FHIT: variants seen among roughly 807,000 people sequenced by gnomAD.
The protein encoded by FHIT is bis(5'-adenosyl)-triphosphatase.
FHIT carries 19 observed loss-of-function variants against 17.9 expected under a neutral mutation model. The ratio of observed to expected loss-of-function variants is 1.06; its 90% CI spans 0.74 to 1.56. The LOEUF (loss-of-function observed/expected upper bound fraction) is 1.56, where lower values mean the gene tolerates loss of function less well. Ranked by LOEUF, FHIT falls within the 40% of genes most tolerant of loss-of-function variation. The pLI, the probability that FHIT is intolerant of heterozygous loss-of-function variation, is 0.00. For synonymous variants in FHIT, 81 were observed against 69.7 expected, an observed-to-expected ratio of 1.16 and a Z score of -0.81; for missense variants, 248 against 189.2, an observed-to-expected ratio of 1.31 and a Z score of -1.82.
chr3:59,761,250 G>C (rs936082084), intron 8 of FHIT, among the ~76,000 whole-genome samples: 4 of 152,132 alleles, frequency 2.6e-5, no homozygotes, highest in Admixed American at 2.6e-4. Flanking sequence ...GTAATAGTAA[G>C]CCCTAAACAA....
At chr3:60,645,681 C>A (rs201327825) in intron 4 of FHIT, among the ~76,000 whole-genome samples, 1 of 152,108 alleles carries the variant, frequency 6.6e-6, no homozygotes, top group Non-Finnish European at 1.5e-5. Context: ...GAAACTGAGA[C>A]AATAGACAAT....
chr3:60,188,207 CTTTTTTTTTTTT>C (rs1210975877), intron 5 of FHIT, among the ~76,000 whole-genome samples: 1 of 125,574 alleles, frequency 8.0e-6, no homozygotes, highest in Non-Finnish European at 1.6e-5. Flanking sequence ...CAGTTTCTTT[CTTTTTTTTTTTT>C]TTTTTTTTAC....
rs554662372 is a variant in FHIT at position 60,845,295 on chromosome 3, T to A, written c.-110-23284A>T. ...AATTATGTGAACAATAAGAAAAAAA[T>A]AATTAGAAAGGTAGGAGTAAACTAA... On this transcript the variant is annotated intron_variant, in intron 3 of 9. Transcript: ENST00000492590. Among the ~76,000 whole-genome samples, 30 of 151,330 alleles carry A rather than the reference T, an allele frequency of 2.0e-4. No individual in the cohort carries two copies. The South Asian group carries it at 6.2e-3, about 31-fold the overall frequency.
Position 59,799,825 on chromosome 3 carries a change from G to A in FHIT, c.349-47504C>T, listed in dbSNP as rs148009966. Among the ~76,000 whole-genome samples the A allele has an allele frequency of 2.7e-3, 410 of 152,234 alleles. 1 individual carries two copies. The highest frequency in any genetic ancestry group is 4.8e-3 in the Non-Finnish European group (324 of 68,010). On this transcript the variant is annotated intron_variant, in intron 8 of 9. Transcript: ENST00000492590. ...GATCTATAATACATAACGGTGTCTTGCAAGAAAAAAGTCCCTTGTGGGGGC... is the reference window on the plus strand; with the variant it reads ...GATCTATAATACATAACGGTGTCTTACAAGAAAAAAGTCCCTTGTGGGGGC...
chr3:60,282,299 C>A (rs213368), intron 5 of FHIT, among the ~76,000 whole-genome samples: 1 of 151,944 alleles, frequency 6.6e-6, no homozygotes, highest in African/African-American at 2.4e-5. Context: ...CGACAGAATA[C>A]TAGTCTACAA....
chr3:61,135,853 C>A (rs560667448), intron 2 of FHIT, among the ~76,000 whole-genome samples: 2 of 151,846 alleles, frequency 1.3e-5, no homozygotes, highest in African/African-American at 4.8e-5. Context: ...GAGCAAAAAC[C>A]AGCTACAAAA....
intron 7 of FHIT, among the ~76,000 whole-genome samples, chr3:59,979,466 A>C (rs938135499): frequency 6.6e-6 from 1 of 152,036 alleles, no homozygotes; most frequent in Non-Finnish European, 1.5e-5. Context: ...TACTTGACAG[A>C]CTTGGGAGAG....
intron 1 of FHIT, among the ~76,000 whole-genome samples, chr3:61,214,150 T>C (rs541989711): frequency 2.0e-5 from 3 of 151,874 alleles, no homozygotes; most frequent in Non-Finnish European, 4.4e-5. Flanking sequence ...AAGAAATAAC[T>C]AAAATCAGAG....
intron 5 of FHIT, among the ~76,000 whole-genome samples, chr3:60,137,582 G>T (rs1699867310): frequency 2.0e-5 from 3 of 152,190 alleles, no homozygotes; most frequent in Admixed American, 1.3e-4. Context: ...AGGTGGAACT[G>T]ATCAGGGCAC....
chr3:60,118,208 G>T (rs1265449107), intron 5 of FHIT, among the ~76,000 whole-genome samples: 2 of 152,006 alleles, frequency 1.3e-5, no homozygotes, highest in East Asian at 3.9e-4. Context: ...CTGGGTTCAA[G>T]CGATCCTCCT....
intron 5 of FHIT, among the ~76,000 whole-genome samples, chr3:60,522,096 G>A: frequency 7.0e-6 from 1 of 142,546 alleles, no homozygotes; most frequent in Admixed American, 7.7e-5. Flanking sequence ...AACAGCAACA[G>A]CAACCAGAAG....
intron 2 of FHIT, among the ~76,000 whole-genome samples, chr3:61,074,909 C>A (rs1181440483): frequency 6.6e-6 from 1 of 152,102 alleles, no homozygotes; most frequent in African/African-American, 2.4e-5. Flanking sequence ...GTGTGTGAAC[C>A]TTTGTGAAAA....
At position 59,817,780 on chromosome 3, in the gene FHIT, T is replaced by C. The variant is rs114019898; in HGVS notation, c.349-65459A>G. On this transcript the variant is annotated intron_variant, in intron 8 of 9. Transcript: ENST00000492590. ...TTATCTCTCCAATCCAGATTCCTTC[T>C]TTAAAAAAAGGGAAGAAAAAACATT... 6.8e-3 allele frequency among the ~76,000 whole-genome samples: 1,041 copies of C among 152,142 alleles called. 9 individuals carry two copies. The highest frequency in any genetic ancestry group is 0.011 in the Non-Finnish European group (764 of 67,998).
chr3:60,995,020 G>A (rs2030550248), intron 3 of FHIT, among the ~76,000 whole-genome samples: 2 of 152,092 alleles, frequency 1.3e-5, no homozygotes, highest in Non-Finnish European at 2.9e-5. Context: ...GAGAACCCAC[G>A]GGAAAATAGT....
intron 3 of FHIT, among the ~76,000 whole-genome samples, chr3:60,985,345 G>T (rs1016117485): frequency 6.6e-6 from 1 of 152,010 alleles, no homozygotes. Flanking sequence ...TACTTACAGT[G>T]GTCAGCCTTT....
At chr3:60,061,669 T>C (rs1471135524) in intron 5 of FHIT, among the ~76,000 whole-genome samples, 6 of 152,218 alleles carry the variant, frequency 3.9e-5, no homozygotes, top group Non-Finnish European at 7.3e-5. Context: ...TATTAAAATA[T>C]TGCAAGTCAA....
At position 60,000,034 on chromosome 3, in the gene FHIT, G is replaced by T. The variant is rs543177793; in HGVS notation, c.279+11337C>A. Among the ~76,000 whole-genome samples, 8 of 152,266 alleles carry T rather than the reference G, an allele frequency of 5.3e-5. No individual in the cohort carries two copies. The East Asian group carries it at 1.4e-3, about 26-fold the overall frequency. On this transcript the variant is annotated intron_variant, in intron 7 of 9. Coordinates refer to ENST00000492590, the MANE Select transcript of FHIT (RefSeq NM_002012.4). Reference sequence around the variant, plus strand: ...CCATGTCAGCCTCAGCATCTGTTTTGCTCTGAGGCATGTTGCCCTAGAAAA... The same window carrying T: ...CCATGTCAGCCTCAGCATCTGTTTTTCTCTGAGGCATGTTGCCCTAGAAAA...
At chr3:60,427,596 T>G (rs542932516) in intron 5 of FHIT, among the ~76,000 whole-genome samples, 7 of 152,214 alleles carry the variant, frequency 4.6e-5, no homozygotes, top group African/African-American at 1.4e-4. Flanking sequence ...CCTCTGGCTG[T>G]TTTTTCTTGA....
At chr3:60,503,242 C>G (rs9985431) in intron 5 of FHIT, among the ~76,000 whole-genome samples, 36,286 of 152,106 alleles carry the variant, frequency 0.24, 4,941 homozygotes, top group Non-Finnish European at 0.3. Flanking sequence ...ATAATACATT[C>G]TCACTTATAA....
Sources: allele counts gnomAD v4.1 joint callset (sites outside exome capture counted in the v4.1 genomes callset), GRCh38; gene constraint gnomAD v4.1.1; transcripts MANE v1.5; gene names NCBI Gene and HGNC (gene_info 2026-07-23, HGNC 2026-07-21).